Variants in CCND3 observed in about 807,000 individuals in gnomAD.
CCND3 encodes G1/S-specific cyclin-D3.
In CCND3, 9 loss-of-function variants were observed where a neutral mutation model predicts 28.7. The ratio of observed to expected loss-of-function variants is 0.31; its 90% confidence interval spans 0.19 to 0.55. The LOEUF (loss-of-function observed/expected upper bound fraction) is 0.55. CCND3 is among the 20% of genes least tolerant of loss of function. The probability of loss-of-function intolerance (pLI) is 0.93; values close to 1 mark genes in which losing one functional copy is unlikely to be tolerated. For missense variants in CCND3, 315 were observed against 385.8 expected, an observed-to-expected ratio of 0.82 and a Z score of 1.54; for synonymous variants, 164 against 163.9, an observed-to-expected ratio of 1.00 and a Z score of 0.00.
At chr6:41,937,906 G>A (rs945632443) in intron 2 of CCND3, 5 of 164,572 alleles carry the variant, frequency 3.0e-5, no homozygotes, top group Admixed American at 5.6e-5. Context: ...ACAGAAGGGA[G>A]TATGACTCCT....
At chr6:41,986,144 T>C (rs569405845) in intron 1 of CCND3, among the ~76,000 whole-genome samples, 1 of 152,202 alleles carries the variant, frequency 6.6e-6, no homozygotes, top group African/African-American at 2.4e-5. Context: ...TATATGTCTA[T>C]TGTTATGCCA....
At position 41,938,593 on chromosome 6, in the gene CCND3, A is replaced by G. The variant is rs921166701; in HGVS notation, c.415-1199T>C. ...GGCAACTGGGAGTGGGACTCTCCCT[A>G]TGGGGAGGCAAGGGGTTGTGTTTGA... On this transcript the variant is annotated intron_variant, in intron 2 of 4. Transcript: ENST00000372991. The surrounding 1 kb of genome is among the most constrained non-coding windows in gnomAD (Gnocchi z 4.6). Among the ~76,000 whole-genome samples the G allele has an allele frequency of 6.6e-6, 1 of 152,162 alleles. No individual in the cohort carries two copies. The highest frequency in any genetic ancestry group is 2.4e-5 in the African/African-American group (1 of 41,442).
chr6:42,005,329 G>T (rs1361548640), intron 1 of CCND3, among the ~76,000 whole-genome samples: 1 of 152,038 alleles, frequency 6.6e-6, no homozygotes, highest in East Asian at 1.9e-4. Flanking sequence ...ATAATTTGAG[G>T]TCTGGAGTTT....
intron 1 of CCND3, among the ~76,000 whole-genome samples, chr6:42,000,888 C>A (rs1038403060): frequency 3.3e-5 from 5 of 151,574 alleles, no homozygotes; most frequent in Non-Finnish European, 7.4e-5. Flanking sequence ...TTAATGGAAA[C>A]TTTTCAAGAA....
At chr6:41,956,020 G>A (rs573723897) in intron 1 of CCND3, among the ~76,000 whole-genome samples, 4 of 152,204 alleles carry the variant, frequency 2.6e-5, no homozygotes, top group African/African-American at 9.6e-5. Context: ...AGGGCCGGGC[G>A]TGGTGGCTCA....
In CCND3 at chr6:41,948,566, C is replaced by T. The variant is rs529567032; in HGVS notation, c.-45-7981G>A. 1.2e-4 allele frequency among the ~76,000 whole-genome samples: 19 copies of T among 152,078 alleles called. 1 individual carries two copies. Among genetic ancestry groups the T allele is most frequent in the African/African-American group, 4.1e-4 (17 of 41,486 alleles). ...TATAAGAAAAACACCAGGCTGGGCG[C>T]GGTGGCTCACGCCTGTAATCCCAGC... On this transcript the variant is annotated intron_variant, in intron 1 of 4. Coordinates refer to the CCND3 transcript ENST00000372988.
intron 1 of CCND3, among the ~76,000 whole-genome samples, chr6:41,984,606 CCAAAGTGTTGGGATTA>C (rs1762433275): frequency 6.6e-6 from 1 of 152,124 alleles, no homozygotes; most frequent in South Asian, 2.1e-4. Flanking sequence ...CCTCGGCCTC[CCAAAGTGTTGGGATTA>C]CAGGCATGAG....
chr6:41,947,490 C>A (rs1019484787), intron 1 of CCND3, among the ~76,000 whole-genome samples: 3 of 152,244 alleles, frequency 2.0e-5, no homozygotes, highest in African/African-American at 7.2e-5. Flanking sequence ...CTCCATCCTT[C>A]CAATGGCTCA....
In CCND3 at chr6:42,033,456, A is replaced by AT. The variant is rs1272711411; in HGVS notation, c.-46+15044_-46+15045insA. Among the ~76,000 whole-genome samples the AT allele has an allele frequency of 1.6e-3, 203 of 125,308 alleles. 5 individuals are homozygous for AT. In the East Asian group the frequency reaches 0.042, roughly 26 times the overall value. 82.2% of individuals were successfully genotyped at this position (125,308 alleles called of 152,430 possible). A position where few individuals can be genotyped will look rare whatever the true frequency, so the allele number is the denominator to read the frequency against. On this transcript the variant is annotated intron_variant, in intron 1 of 4. Transcript: ENST00000372988. ...CAAAGCGAGACTCCATCTAAAAAAA[A>AT]AATATATATATATGTGTATATATAT...
chr6:42,033,348 G>A (rs1764098442), intron 1 of CCND3, among the ~76,000 whole-genome samples: 1 of 151,864 alleles, frequency 6.6e-6, no homozygotes, highest in Non-Finnish European at 1.5e-5. Flanking sequence ...TACTCGGAAG[G>A]CTAAGGCGGG....
At chr6:42,041,299 G>A (rs79219350) in intron 1 of CCND3, among the ~76,000 whole-genome samples, 92 of 152,330 alleles carry the variant, frequency 6.0e-4, no homozygotes, top group African/African-American at 1.3e-3. Context: ...CTGTACCCTC[G>A]GAGATCAAGG....
chr6:42,027,990 G>A (rs770034476), intron 1 of CCND3, among the ~76,000 whole-genome samples: 10 of 152,068 alleles, frequency 6.6e-5, no homozygotes, highest in Non-Finnish European at 8.8e-5. Context: ...CAGGTGATCC[G>A]CCCACCTTGG....
At chr6:41,950,492 G>C (rs888699136) in intron 1 of CCND3, among the ~76,000 whole-genome samples, 3 of 152,064 alleles carry the variant, frequency 2.0e-5, no homozygotes, top group African/African-American at 7.2e-5. Flanking sequence ...ATTTGCAAAA[G>C]GAGGATGGTA....
In CCND3 at chr6:41,936,569, C is replaced by A. The variant is rs1306045247; in HGVS notation, c.701G>T (p.Gly234Val). 2 of 1,614,138 alleles carry A rather than the reference C, an allele frequency of 1.2e-6. No homozygotes were observed. Among genetic ancestry groups the A allele is most frequent in the Non-Finnish European group, 1.7e-6 (2 of 1,180,010 alleles). Residue 234 changes from glycine (G) to valine (V), a missense_variant, in exon 4 of 5, where the codon GGC becomes GTC. Coordinates refer to ENST00000372991, the MANE Select transcript of CCND3 (RefSeq NM_001760.5). The surrounding 1 kb of genome is among the most constrained non-coding windows in gnomAD (Gnocchi z 4.4). ...ELTELLAGIT[G>V]TEVDCLRACQ... is the part of the protein sequence containing the mutation. ...CTACCCAGCACTCACCACTTCAGTGCCAGTGATCCCTGCCAGCAGCTCTGT... is the reference window on the plus strand; with the variant it reads ...CTACCCAGCACTCACCACTTCAGTGACAGTGATCCCTGCCAGCAGCTCTGT...
At chr6:42,047,536 C>T (rs988857881) in intron 1 of CCND3, among the ~76,000 whole-genome samples, 52 of 152,238 alleles carry the variant, frequency 3.4e-4, no homozygotes, top group Middle Eastern at 3.4e-3. Context: ...GGAGGGGGTG[C>T]CCAGGATTGT....
chr6:42,025,641 G>GCCGC (rs1004831523), intron 1 of CCND3, among the ~76,000 whole-genome samples: 1 of 152,150 alleles, frequency 6.6e-6, no homozygotes, highest in African/African-American at 2.4e-5. Flanking sequence ...CTGCACCCCG[G>GCCGC]CCGCCCCACG....
At chr6:41,961,871 T>C (rs577753149) in intron 1 of CCND3, among the ~76,000 whole-genome samples, 1 of 152,252 alleles carries the variant, frequency 6.6e-6, no homozygotes, top group South Asian at 2.1e-4. Flanking sequence ...ATCTGCTGAG[T>C]CACCCAAGCT....
chr6:41,942,001 G>T (rs1437656643), upstream of CCND3, among the ~76,000 whole-genome samples: 1 of 152,158 alleles, frequency 6.6e-6, no homozygotes, highest in Non-Finnish European at 1.5e-5. Flanking sequence ...GGACCACCGG[G>T]TGCAGAGAAC....
intron 1 of CCND3, among the ~76,000 whole-genome samples, chr6:42,019,392 G>A (rs1488639123): frequency 6.6e-6 from 1 of 151,336 alleles, no homozygotes; most frequent in Non-Finnish European, 1.5e-5. Context: ...GGGAGGCTGA[G>A]GCAGGAGAAT....
Sources: allele counts gnomAD v4.1 joint callset (sites outside exome capture counted in the v4.1 genomes callset), GRCh38; gene constraint gnomAD v4.1.1; non-coding constraint Gnocchi (gnomAD v3.1); transcripts MANE v1.5; gene names NCBI Gene and HGNC (gene_info 2026-07-23, HGNC 2026-07-21).